Variants in MALRD1 observed in about 807,000 individuals in gnomAD.
The protein encoded by MALRD1 is MAM and LDL-receptor class A domain-containing protein 1.
In MALRD1, 247 loss-of-function variants were observed where a neutral mutation model predicts 242.1. The ratio of observed to expected loss-of-function variants is 1.02; its 90% CI spans 0.92 to 1.13. The LOEUF is 1.13. Among genes scored for constraint, MALRD1 ranks in the 50% most tolerant of loss-of-function variants. MALRD1 has a pLI of 0.00. For missense variants in MALRD1, 2,989 were observed against 2,533.1 expected, an observed-to-expected ratio of 1.18 and a Z score of -3.86; for synonymous variants, 995 against 866.6, an observed-to-expected ratio of 1.15 and a Z score of -2.60.
chr10:19,195,777 C>T (rs1836210797), intron 14 of MALRD1, among the ~76,000 whole-genome samples: 1 of 152,022 alleles, frequency 6.6e-6, no homozygotes, highest in African/African-American at 2.4e-5. Context: ...CAAGCAAAAA[C>T]CCAGTGACAC....
intron 18 of MALRD1, among the ~76,000 whole-genome samples, chr10:19,231,474 C>T (rs1211896648): frequency 6.6e-6 from 1 of 152,154 alleles, no homozygotes; most frequent in South Asian, 2.1e-4. Context: ...CTGAATCTCA[C>T]CTTGATTGTA....
At chr10:19,679,741 G>A (rs1190425104) in intron 36 of MALRD1, among the ~76,000 whole-genome samples, 2 of 151,856 alleles carry the variant, frequency 1.3e-5, no homozygotes, top group African/African-American at 4.8e-5. Context: ...TTAGTTTGAT[G>A]TTAGGATGTC....
intron 33 of MALRD1, among the ~76,000 whole-genome samples, chr10:19,579,347 C>T (rs1836992155): frequency 6.6e-6 from 1 of 152,150 alleles, no homozygotes; most frequent in Non-Finnish European, 1.5e-5. Context: ...AACTGTTGTT[C>T]CCAAAGTGCA....
At chr10:19,474,040 G>C (rs10740907) in intron 29 of MALRD1, among the ~76,000 whole-genome samples, 130,897 of 151,890 alleles carry the variant, frequency 0.86, 56,563 homozygotes, top group East Asian at 1. Flanking sequence ...AGTGTAAGAT[G>C]GTATCTAGTT....
chr10:19,553,816 A>T (rs1399267020), intron 32 of MALRD1, among the ~76,000 whole-genome samples: 2 of 152,178 alleles, frequency 1.3e-5, no homozygotes, highest in African/African-American at 4.8e-5. Flanking sequence ...TCCATTACTG[A>T]TGGTGAGTAA....
Position 19,213,650 on chromosome 10 carries a change from C to T in MALRD1, c.2991+3970C>T, listed in dbSNP as rs1470570299. 2.0e-5 allele frequency among the ~76,000 whole-genome samples: 3 copies of T among 152,308 alleles called. No individual in the cohort carries two copies. The East Asian group carries it at 5.8e-4, about 29-fold the overall frequency. ...TTGATTTACTCTGGATCGGTTCTGA[C>T]TGAGTGATTTTTCTCCTTATTATGA... On this transcript the variant is annotated intron_variant, in intron 18 of 39. Coordinates refer to ENST00000454679, the MANE Select transcript of MALRD1 (RefSeq NM_001142308.3).
chr10:19,611,915 G>A (rs1395010645), intron 35 of MALRD1, among the ~76,000 whole-genome samples: 1 of 151,942 alleles, frequency 6.6e-6, no homozygotes, highest in Non-Finnish European at 1.5e-5. Context: ...TGTGTTCTTT[G>A]CACTGTGCTC....
chr10:19,214,922 C>T (rs777289255), intron 18 of MALRD1, among the ~76,000 whole-genome samples: 1 of 152,168 alleles, frequency 6.6e-6, no homozygotes, highest in Non-Finnish European at 1.5e-5. Flanking sequence ...GTATTTTGCA[C>T]TAAAACTTTG....
intron 26 of MALRD1, among the ~76,000 whole-genome samples, chr10:19,370,573 GT>G (rs1399476966): frequency 5.3e-5 from 8 of 151,900 alleles, no homozygotes; most frequent in Non-Finnish European, 8.8e-5. Context: ...TTCACATATT[GT>G]TTTGTTTTGT....
At chr10:19,425,901 A>G (rs1249264074) in intron 28 of MALRD1, among the ~76,000 whole-genome samples, 1 of 152,112 alleles carries the variant, frequency 6.6e-6, no homozygotes, top group Non-Finnish European at 1.5e-5. Flanking sequence ...CTCCTGCCCA[A>G]ATCCCAGAGC....
chr10:19,683,133 G>GC (rs112989209), intron 36 of MALRD1, among the ~76,000 whole-genome samples: 1 of 145,728 alleles, frequency 6.9e-6, no homozygotes, highest in Non-Finnish European at 1.5e-5. Flanking sequence ...CATCTCTACC[G>GC]GAAAAAAAAA....
intron 31 of MALRD1, among the ~76,000 whole-genome samples, chr10:19,528,610 A>G (rs1304094825): frequency 2.0e-5 from 3 of 152,146 alleles, no homozygotes; most frequent in Non-Finnish European, 2.9e-5. Flanking sequence ...TAAAGAAATA[A>G]AAATAAATTT....
chr10:19,153,665 G>C (rs1268907542), intron 11 of MALRD1, among the ~76,000 whole-genome samples: 1 of 151,580 alleles, frequency 6.6e-6, no homozygotes, highest in Non-Finnish European at 1.5e-5. Flanking sequence ...CTCTAGCCTA[G>C]GTGACAGAGC....
intron 36 of MALRD1, among the ~76,000 whole-genome samples, chr10:19,634,274 G>A (rs759667193): frequency 2.6e-5 from 4 of 152,210 alleles, no homozygotes; most frequent in Non-Finnish European, 4.4e-5. Flanking sequence ...TGGGACTGGA[G>A]TAGCTGAAGA....
At chr10:19,148,782 A>ATATATATATATATATAT (rs1363943174) in intron 11 of MALRD1, among the ~76,000 whole-genome samples, 53 of 80,806 alleles carry the variant, frequency 6.6e-4, no homozygotes, top group African/African-American at 2.5e-3. Flanking sequence ...TTAAAAAAAA[A>ATATATATATATATATAT]AAAAAAATAT....
chr10:19,195,442 T>G (rs1181164971), intron 14 of MALRD1, among the ~76,000 whole-genome samples: 2 of 152,162 alleles, frequency 1.3e-5, no homozygotes, highest in Non-Finnish European at 2.9e-5. Flanking sequence ...ATGCCGTTGA[T>G]ATGATCGTGT....
intron 29 of MALRD1, among the ~76,000 whole-genome samples, chr10:19,478,318 A>G (rs1380915745): frequency 1.3e-5 from 2 of 152,208 alleles, no homozygotes; most frequent in African/African-American, 4.8e-5. Flanking sequence ...TCCTTTTGCC[A>G]TTCCCTATCA....
chr10:19,208,817 A>C (rs909710317), intron 17 of MALRD1, among the ~76,000 whole-genome samples: 1 of 152,192 alleles, frequency 6.6e-6, no homozygotes, highest in Non-Finnish European at 1.5e-5. Context: ...CTTTACCACT[A>C]GGAGCAATTA....
chr10:19,730,837 C>A, intron 39 of MALRD1, 56 bp downstream of exon 39: 3 of 1,332,046 alleles, frequency 2.3e-6, no homozygotes, highest in Non-Finnish European at 3.1e-6. Flanking sequence ...CATACAAACA[C>A]ACACACACAC....
Sources: gnomAD v4.1 joint callset for allele counts (sites outside exome capture counted in the v4.1 genomes callset) on GRCh38, gnomAD v4.1.1 for gene constraint, MANE v1.5 for transcripts, NCBI Gene and HGNC (gene_info 2026-07-23, HGNC 2026-07-21) for gene names.